The following WDFY3 variants were observed in gnomAD, a reference collection of about 807,000 sequenced individuals.
WDFY3 encodes WD repeat and FYVE domain-containing protein 3.
Under a neutral mutation model 409.6 loss-of-function variants are expected in WDFY3, and 66 were observed. The observed-to-expected ratio is 0.16, with a 90% CI of 0.13 to 0.20. The LOEUF (loss-of-function observed/expected upper bound fraction) is 0.20. Among genes scored for constraint, WDFY3 ranks in the 10% least tolerant of loss-of-function variants. The pLI is 1.00. For missense variants in WDFY3, 3,031 were observed against 4,298.1 expected (o/e 0.71, Z 8.24); for synonymous variants, 1,521 against 1,537.1 (o/e 0.99, Z 0.25).
chr4:84,744,868 A>T (rs1246041045), intron 36 of WDFY3, among the ~76,000 whole-genome samples: 1 of 150,358 alleles, frequency 6.7e-6, no homozygotes, highest in Non-Finnish European at 1.5e-5. Context: ...AAAAAAAAAA[A>T]AAAAAAAAAA....
chr4:84,857,859 T>G (rs1759991761), intron 4 of WDFY3, among the ~76,000 whole-genome samples: 1 of 152,218 alleles, frequency 6.6e-6, no homozygotes, highest in African/African-American at 2.4e-5. Flanking sequence ...ATGGGTGATA[T>G]GTGAACTAAC....
chr4:84,844,654 C>T (rs1757840532), intron 5 of WDFY3: 1 of 464,578 alleles, frequency 2.2e-6, no homozygotes, highest in Non-Finnish European at 3.6e-6. Context: ...CTAGGTTTAA[C>T]AGTGGCACCT....
At chr4:84,730,503 T>C (rs1198779304) in intron 44 of WDFY3, among the ~76,000 whole-genome samples, 2 of 152,194 alleles carry the variant, frequency 1.3e-5, no homozygotes, top group Non-Finnish European at 2.9e-5. Flanking sequence ...TAGGGGACTG[T>C]TGAAATATAC....
In WDFY3 at chr4:84,690,682, T is replaced by C; in HGVS notation, c.9205-18A>G. On this transcript the variant is annotated intron_variant, in intron 60 of 67. Coordinates refer to ENST00000295888, the MANE Select transcript of WDFY3 (RefSeq NM_014991.6). ...GTCATGGCCTATAAAGTAAAACGGA[T>C]GTGAGACACACATGCCGTTAAGTAC... 1 of 1,600,664 alleles carries C rather than the reference T, an allele frequency of 6.2e-7. No individual in the cohort carries two copies. Among genetic ancestry groups the C allele is most frequent in the Non-Finnish European group, 8.5e-7 (1 of 1,173,444 alleles).
chr4:84,817,395 T>G lies in WDFY3; in HGVS notation c.1884A>C (p.Leu628Phe). 2.5e-6 allele frequency: 4 copies of G among 1,613,460 alleles called. No homozygotes were observed. Among genetic ancestry groups the G allele is most frequent in the Non-Finnish European group, 3.4e-6 (4 of 1,179,544 alleles). The change falls in exon 13 of 68, where the codon TTA (leucine) becomes TTC (phenylalanine). Residue 628 changes from leucine to phenylalanine, a missense_variant. Physicochemically the swap from Leu to Phe is conservative, Grantham distance 22 (BLOSUM62 0). This residue lies in a region of WDFY3 where 1,322 missense variants were observed against 1,697.9 expected (regional missense o/e 0.78). Coordinates refer to ENST00000295888, the MANE Select transcript of WDFY3 (RefSeq NM_014991.6). ...PTELQLKTDI[L>F]RALLSVLRES... The stretch of plus-strand genomic sequence containing the variant: ...GAAACACATTTATCAAACTTACCCT[T>G]AAAATATCAGTCTTCAACTGCAATT...
chr4:84,829,194 TAAG>T lies in WDFY3; in HGVS notation c.770-7_770-5del, dbSNP rs1479701582. On this transcript the variant is annotated splice_region_variant and splice_polypyrimidine_tract_variant and intron_variant, in intron 8 of 67. Transcript: ENST00000295888. ...CATGTAGATAAACACTCTTTCTCTG[TAAG>T]AATAGATAATTAAATAAATATGCAT... 10 of 1,523,088 alleles carry T rather than the reference TAAG, an allele frequency of 6.6e-6. No homozygotes were observed. The highest frequency in any genetic ancestry group is 8.8e-6 in the Non-Finnish European group (10 of 1,130,474). The allele number at this position is 1,523,088 out of a possible 1,614,324, so 94.3% of individuals were successfully genotyped here.
intron 2 of WDFY3, among the ~76,000 whole-genome samples, chr4:84,917,367 C>T (rs1768646637): frequency 6.6e-6 from 1 of 152,060 alleles, no homozygotes; most frequent in Admixed American, 6.6e-5. Context: ...TTCACAATAA[C>T]TGAAAACGTA....
At chr4:84,897,223 G>C (rs1043254346) in intron 2 of WDFY3, among the ~76,000 whole-genome samples, 5 of 152,176 alleles carry the variant, frequency 3.3e-5, no homozygotes, top group Non-Finnish European at 5.9e-5. Context: ...AGCCTGGGCA[G>C]TGTTTTTATG....
At chr4:84,759,602 G>C (rs1168354424) in intron 32 of WDFY3, among the ~76,000 whole-genome samples, 1 of 149,718 alleles carries the variant, frequency 6.7e-6, no homozygotes, top group East Asian at 2.0e-4. Context: ...TTGGCTCTCT[G>C]TTTGTCTGTT....
chr4:84,725,478 T>C (rs775268825), intron 45 of WDFY3, among the ~76,000 whole-genome samples: 2 of 152,104 alleles, frequency 1.3e-5, no homozygotes. Context: ...CCCCTTAAAA[T>C]CACGGAAGAT....
chr4:84,766,157 T>A (rs1743595947), intron 31 of WDFY3, 95 bp downstream of exon 31: 8 of 1,492,094 alleles, frequency 5.4e-6, no homozygotes. Context: ...GTTAAAAAAA[T>A]CTATTTAAAG....
At chr4:84,910,311 C>T (rs1767590822) in intron 2 of WDFY3, among the ~76,000 whole-genome samples, 1 of 151,898 alleles carries the variant, frequency 6.6e-6, no homozygotes, top group South Asian at 2.1e-4. Context: ...GAAATCAGTC[C>T]CCCACAGATA....
At chr4:84,812,610 G>A (rs533043349) in intron 13 of WDFY3, among the ~76,000 whole-genome samples, 12 of 152,228 alleles carry the variant, frequency 7.9e-5, no homozygotes, top group African/African-American at 2.6e-4. Context: ...CATACTGGGA[G>A]AAAAATATGA....
chr4:84,951,957 T>C lies in WDFY3; in HGVS notation c.-226+14252A>G, dbSNP rs566479328. Among the ~76,000 whole-genome samples, 8 of 152,186 alleles carry C rather than the reference T, an allele frequency of 5.3e-5. No homozygotes were observed. In the South Asian group the frequency reaches 6.2e-4, roughly 12 times the overall value. On this transcript the variant is annotated intron_variant, in intron 1 of 67. Transcript: ENST00000295888. ...GAAAGTTTTAGTCAGGCTGAGAAAA[T>C]TGAAAGTGCAAGAAAATCCACAGAG...
At chr4:84,840,479 A>G (rs1030995258) in intron 6 of WDFY3, among the ~76,000 whole-genome samples, 1 of 152,212 alleles carries the variant, frequency 6.6e-6, no homozygotes, top group Non-Finnish European at 1.5e-5. Flanking sequence ...CATCAGTGAC[A>G]AAAGTGCTGG....
chr4:84,939,255 T>C (rs938800388), intron 1 of WDFY3, among the ~76,000 whole-genome samples: 8 of 152,214 alleles, frequency 5.3e-5, no homozygotes, highest in African/African-American at 1.7e-4. Context: ...ATTCAGGTTA[T>C]GCAGTCTTGG....
chr4:84,765,009 G>A (rs967249280), intron 32 of WDFY3, among the ~76,000 whole-genome samples: 12 of 151,738 alleles, frequency 7.9e-5, no homozygotes, highest in Admixed American at 5.2e-4. Context: ...TTTTCCCATC[G>A]GACCAAGGTA....
At chr4:84,710,265 T>G (rs1361757284) in intron 51 of WDFY3, among the ~76,000 whole-genome samples, 1 of 152,200 alleles carries the variant, frequency 6.6e-6, no homozygotes, top group African/African-American at 2.4e-5. Context: ...TTATATAATA[T>G]TCTGTACATA....
chr4:84,928,674 T>C (rs971791225), intron 2 of WDFY3, among the ~76,000 whole-genome samples: 3 of 152,174 alleles, frequency 2.0e-5, no homozygotes, highest in African/African-American at 7.2e-5. Context: ...TAATTCCTAA[T>C]ACTTTATAAT....
Sources: allele counts gnomAD v4.1 joint callset (sites outside exome capture counted in the v4.1 genomes callset), GRCh38; gene constraint gnomAD v4.1.1; regional missense constraint gnomAD v4.1.1; transcripts MANE v1.5; gene names NCBI Gene and HGNC (gene_info 2026-07-23, HGNC 2026-07-21).